Variants in RYR3 observed in about 807,000 individuals in gnomAD.
RYR3 encodes the protein brain ryanodine receptor-calcium release channel.
RYR3 carries 207 observed loss-of-function variants against 584.3 expected under a neutral mutation model. The observed-to-expected ratio is 0.35, with a 90% confidence interval of 0.32 to 0.40. The LOEUF (loss-of-function observed/expected upper bound fraction) is 0.40. RYR3 is among the 10% of genes least tolerant of loss of function. The probability of loss-of-function intolerance (pLI) is 1.00; values close to 1 mark genes in which losing one functional copy is unlikely to be tolerated. For missense variants in RYR3, 5,616 were observed against 6,089.2 expected (o/e 0.92, Z 2.59); for synonymous variants, 2,416 against 2,248.5 (o/e 1.07, Z -2.11).
chr15:33,356,889 T>G (rs1240178994), intron 1 of RYR3, among the ~76,000 whole-genome samples: 3 of 152,154 alleles, frequency 2.0e-5, no homozygotes, highest in African/African-American at 7.2e-5. Flanking sequence ...AAAATAGGCC[T>G]TCGGGGGCCA....
At chr15:33,445,927 C>T (rs1357699868) in intron 1 of RYR3, among the ~76,000 whole-genome samples, 2 of 152,114 alleles carry the variant, frequency 1.3e-5, no homozygotes, top group African/African-American at 2.4e-5. Context: ...CCCGAATGTT[C>T]TGGGACCCTG....
chr15:33,728,445 A>T (rs1395005516), intron 46 of RYR3, among the ~76,000 whole-genome samples: 1 of 152,256 alleles, frequency 6.6e-6, no homozygotes, highest in Non-Finnish European at 1.5e-5. Flanking sequence ...ATGTTTAACA[A>T]CTGGCTGGAA....
chr15:33,423,520 G>C (rs1488792290), intron 1 of RYR3, among the ~76,000 whole-genome samples: 1 of 152,106 alleles, frequency 6.6e-6, no homozygotes, highest in African/African-American at 2.4e-5. Flanking sequence ...GAGTTTCTGG[G>C]TCACATGGTA....
At chr15:33,861,355 T>G (rs969250071) in intron 102 of RYR3, among the ~76,000 whole-genome samples, 177 bp downstream of exon 102, 13 of 152,182 alleles carry the variant, frequency 8.5e-5, no homozygotes, top group African/African-American at 3.1e-4. Flanking sequence ...AGACGTGTGT[T>G]GTGGACAATT....
At chr15:33,425,361 C>G (rs1394046876) in intron 1 of RYR3, among the ~76,000 whole-genome samples, 3 of 152,156 alleles carry the variant, frequency 2.0e-5, no homozygotes, top group African/African-American at 7.2e-5. Context: ...AATTCTGACT[C>G]CTCCTGTCGT....
rs372825727 is a variant in RYR3 at position 33,731,581 on chromosome 15, C to T, written c.7311C>T (p.His2437=). 7 of 1,613,652 alleles carry T rather than the reference C, an allele frequency of 4.3e-6. No individual in the cohort carries two copies. Among genetic ancestry groups the T allele is most frequent in the African/African-American group, 1.3e-5 (1 of 74,932 alleles). The change falls in exon 48 of 104, where the codon CAC becomes CAT. Residue 2437 remains histidine, a synonymous_variant. Transcript: ENST00000634891. ...RCAPLFAGTE[H]CTSLIDSTLQ... is the part of the protein sequence containing the mutation. Reference sequence around the variant, plus strand: ...CCCCTCTCTTTGCCGGAACAGAACACTGCACCTCTCTGATTGATTCCACAC... The same window carrying T: ...CCCCTCTCTTTGCCGGAACAGAACATTGCACCTCTCTGATTGATTCCACAC...
At chr15:33,692,333 G>T (rs1361150922) in intron 38 of RYR3, among the ~76,000 whole-genome samples, 1 of 152,164 alleles carries the variant, frequency 6.6e-6, no homozygotes, top group Non-Finnish European at 1.5e-5. Context: ...TTCATTGGTT[G>T]TGCCTGGGTT....
chr15:33,532,091 A>G (rs2054929107), intron 4 of RYR3, among the ~76,000 whole-genome samples: 1 of 152,184 alleles, frequency 6.6e-6, no homozygotes, highest in Non-Finnish European at 1.5e-5. Context: ...TAAAGCCTAT[A>G]AGATATGGCT....
Position 33,798,689 on chromosome 15 carries a change from C to T in RYR3, c.9831-2081C>T, listed in dbSNP as rs548992739. Among the ~76,000 whole-genome samples the T allele has an allele frequency of 3.9e-5, 6 of 152,254 alleles. No homozygotes were observed. The South Asian group carries it at 1.0e-3, about 26-fold the overall frequency. On this transcript the variant is annotated intron_variant, in intron 67 of 103. Coordinates refer to ENST00000634891, the MANE Select transcript of RYR3 (RefSeq NM_001036.6). The stretch of plus-strand genomic sequence containing the variant: ...TAGCAGGGCATAGTTCCACCCTGAA[C>T]AAAATGGGGTTTGTTACTATGGAAG...
In RYR3 at chr15:33,806,034, C is replaced by T. The variant is rs184448482; in HGVS notation, c.10012-1521C>T. 1.5e-4 allele frequency among the ~76,000 whole-genome samples: 23 copies of T among 152,092 alleles called. 1 individual carries two copies. In the East Asian group the frequency reaches 4.3e-3, roughly 28 times the overall value. On this transcript the variant is annotated intron_variant, in intron 69 of 103. Transcript: ENST00000634891. ...CACTCTATCTCTTGCTTCGCATTCT[C>T]AGACCGACTTACAGAAAGTCTTCTG...
At chr15:33,831,437 A>C (rs1368038605) in intron 86 of RYR3, among the ~76,000 whole-genome samples, 1 of 152,278 alleles carries the variant, frequency 6.6e-6, no homozygotes, top group Non-Finnish European at 1.5e-5. Context: ...CTGTTCAGTA[A>C]GCATGGAGAG....
chr15:33,578,247 C>T lies in RYR3; in HGVS notation c.1269-1729C>T, dbSNP rs530459339. Among the ~76,000 whole-genome samples, 10 of 152,278 alleles carry T rather than the reference C, an allele frequency of 6.6e-5. No individual in the cohort carries two copies. In the South Asian group the frequency reaches 2.1e-3, roughly 32 times the overall value. ...AGAAATACCATTTGACCCAGCAATC[C>T]CATTACTAGGTATATACCCAAAGGA... On this transcript the variant is annotated intron_variant, in intron 12 of 103. Coordinates refer to ENST00000634891, the MANE Select transcript of RYR3 (RefSeq NM_001036.6).
At chr15:33,748,328 C>T in intron 54 of RYR3, 68 bp downstream of exon 54, 1 of 1,579,286 alleles carries the variant, frequency 6.3e-7, no homozygotes, top group South Asian at 1.1e-5. Flanking sequence ...GAATGTTCTG[C>T]CTGGGGCATC....
At chr15:33,416,949 C>T (rs2339267) in intron 1 of RYR3, among the ~76,000 whole-genome samples, 64,310 of 151,936 alleles carry the variant, frequency 0.42, 14,835 homozygotes, top group South Asian at 0.6. Flanking sequence ...AATAGGGTGT[C>T]CTTTCCCCAT....
chr15:33,511,234 C>T (rs1040834176), intron 3 of RYR3, among the ~76,000 whole-genome samples: 1 of 145,116 alleles, frequency 6.9e-6, no homozygotes, highest in Non-Finnish European at 1.5e-5. Flanking sequence ...TAGAGAAAAA[C>T]AGGAAAAACA....
chr15:33,321,244 A>G (rs889990184), intron 1 of RYR3, among the ~76,000 whole-genome samples: 1 of 152,218 alleles, frequency 6.6e-6, no homozygotes, highest in Non-Finnish European at 1.5e-5. Flanking sequence ...TGTATTTCTA[A>G]TAACACAAGG....
At chr15:33,363,527 C>T (rs1417186002) in intron 1 of RYR3, among the ~76,000 whole-genome samples, 1 of 152,126 alleles carries the variant, frequency 6.6e-6, no homozygotes, top group Non-Finnish European at 1.5e-5. Context: ...TTCAAATCCA[C>T]ATATGTGGAT....
At chr15:33,649,825 G>C (rs1329581192) in intron 31 of RYR3, among the ~76,000 whole-genome samples, 1 of 152,226 alleles carries the variant, frequency 6.6e-6, no homozygotes, top group African/African-American at 2.4e-5. Flanking sequence ...TTGTTGGCCA[G>C]ATGTGCTCCA....
chr15:33,672,543 T>C (rs924144392), intron 38 of RYR3, among the ~76,000 whole-genome samples: 4 of 152,198 alleles, frequency 2.6e-5, no homozygotes, highest in Admixed American at 2.6e-4. Context: ...CCAGACATGA[T>C]GAATCCCCTC....
Sources: gnomAD v4.1 joint callset for allele counts (sites outside exome capture counted in the v4.1 genomes callset) on GRCh38, gnomAD v4.1.1 for gene constraint, MANE v1.5 for transcripts, NCBI Gene and HGNC (gene_info 2026-07-23, HGNC 2026-07-21) for gene names.